The following GRIK3 variants were observed in gnomAD, a reference collection of about 807,000 sequenced individuals.
GRIK3 encodes the protein glutamate receptor ionotropic, kainate 3.
A neutral mutation model predicts 102.5 loss-of-function variants in GRIK3; 29 were observed. The observed-to-expected ratio is 0.28, with a 90% CI of 0.21 to 0.39. The LOEUF is 0.39. Ranked by LOEUF, GRIK3 falls within the 10% of genes least tolerant of loss-of-function variation. The pLI is 1.00. For synonymous variants in GRIK3, 511 were observed against 504.9 expected (o/e 1.01, Z -0.16); for missense variants, 908 against 1,252.4 (o/e 0.73, Z 4.15).
At chr1:36,830,961 T>C (rs770689143) in intron 10 of GRIK3, among the ~76,000 whole-genome samples, 8 of 151,764 alleles carry the variant, frequency 5.3e-5, no homozygotes, top group Non-Finnish European at 8.8e-5. Context: ...GAGAGAAGCA[T>C]GGAACAGGTT....
At chr1:36,987,882 G>A (rs1315267254) in intron 1 of GRIK3, among the ~76,000 whole-genome samples, 1 of 152,106 alleles carries the variant, frequency 6.6e-6, no homozygotes, top group Non-Finnish European at 1.5e-5. Context: ...CAATGATCAG[G>A]GACTACCCAA....
At chr1:36,839,353 C>T (rs1395332900) in intron 10 of GRIK3, among the ~76,000 whole-genome samples, 3 of 152,160 alleles carry the variant, frequency 2.0e-5, no homozygotes, top group African/African-American at 7.2e-5. Flanking sequence ...ACACCACTCC[C>T]TTCCGTTTAT....
chr1:36,948,127 C>A (rs1641804527), intron 1 of GRIK3, among the ~76,000 whole-genome samples: 2 of 152,122 alleles, frequency 1.3e-5, no homozygotes, highest in Non-Finnish European at 2.9e-5. Context: ...CTCCCCCATG[C>A]AACACCTGGT....
chr1:37,007,249 C>T (rs1475668864), intron 1 of GRIK3, among the ~76,000 whole-genome samples: 1 of 152,210 alleles, frequency 6.6e-6, no homozygotes, highest in Admixed American at 6.5e-5. Context: ...GCCCATTTTG[C>T]AGGTGAGGAA....
intron 1 of GRIK3, among the ~76,000 whole-genome samples, chr1:36,965,044 C>T (rs1037081982): frequency 2.0e-5 from 3 of 152,170 alleles, no homozygotes; most frequent in African/African-American, 7.2e-5. Context: ...ATCCAAGGGG[C>T]CCAGTGCCGT....
intron 1 of GRIK3, among the ~76,000 whole-genome samples, chr1:36,949,830 C>T (rs758040893): frequency 1.4e-4 from 21 of 152,102 alleles, no homozygotes; most frequent in East Asian, 1.2e-3. Flanking sequence ...CTGCCCACCT[C>T]GGCCTCCCAA....
chr1:36,944,787 C>CA (rs1641764440), intron 1 of GRIK3, among the ~76,000 whole-genome samples: 1 of 152,190 alleles, frequency 6.6e-6, no homozygotes, highest in African/African-American at 2.4e-5. Flanking sequence ...AATGGGAGAA[C>CA]AACCACCTTG....
intron 1 of GRIK3, among the ~76,000 whole-genome samples, chr1:36,964,576 T>C (rs919788123): frequency 2.6e-5 from 4 of 152,258 alleles, no homozygotes; most frequent in African/African-American, 7.2e-5. Context: ...TCATCTTTTA[T>C]AGTTTTCAGT....
chr1:36,902,428 A>G (rs2124284380), intron 1 of GRIK3, among the ~76,000 whole-genome samples: 2 of 152,354 alleles, frequency 1.3e-5, no homozygotes, highest in East Asian at 3.9e-4. Context: ...GCAGACCCAC[A>G]TAAATAAAGT....
chr1:36,904,974 C>T (rs1332156523), intron 1 of GRIK3, among the ~76,000 whole-genome samples: 1 of 152,058 alleles, frequency 6.6e-6, no homozygotes, highest in African/African-American at 2.4e-5. Flanking sequence ...CTTGCAGATG[C>T]TTATTATGGT....
chr1:36,866,260 A>G (rs1479006191), intron 5 of GRIK3, among the ~76,000 whole-genome samples: 1 of 152,206 alleles, frequency 6.6e-6, no homozygotes, highest in East Asian at 1.9e-4. Context: ...ATTGACCTCA[A>G]TTACCACACC....
intron 3 of GRIK3, among the ~76,000 whole-genome samples, chr1:36,875,181 A>AT (rs1264161408): frequency 5.9e-5 from 9 of 152,260 alleles, no homozygotes; most frequent in Non-Finnish European, 1.2e-4. Context: ...AGGTTAAGTG[A>AT]TTATGGAATC....
At chr1:36,983,929 C>T (rs1642276649) in intron 1 of GRIK3, among the ~76,000 whole-genome samples, 1 of 152,168 alleles carries the variant, frequency 6.6e-6, no homozygotes, top group Non-Finnish European at 1.5e-5. Context: ...CACTGCTGCC[C>T]ACCCATGGGG....
At chr1:36,903,574 T>G (rs1451335962) in intron 1 of GRIK3, among the ~76,000 whole-genome samples, 1 of 152,216 alleles carries the variant, frequency 6.6e-6, no homozygotes, top group Non-Finnish European at 1.5e-5. Context: ...CAAGATATCC[T>G]TCAGTAGATG....
chr1:36,859,480 T>C (rs1445772667), intron 6 of GRIK3, among the ~76,000 whole-genome samples: 1 of 151,904 alleles, frequency 6.6e-6, no homozygotes, highest in African/African-American at 2.4e-5. Flanking sequence ...GCTTAGACCT[T>C]CTCCTGCCCA....
intron 1 of GRIK3, among the ~76,000 whole-genome samples, chr1:36,930,919 T>C (rs1367935938): frequency 6.6e-6 from 1 of 152,178 alleles, no homozygotes; most frequent in Admixed American, 6.5e-5. Flanking sequence ...CTAGCTACGC[T>C]TTTAGGTAGG....
At chr1:36,983,832 C>A (rs1232136975) in intron 1 of GRIK3, among the ~76,000 whole-genome samples, 1 of 152,140 alleles carries the variant, frequency 6.6e-6, no homozygotes, top group African/African-American at 2.4e-5. Flanking sequence ...GATTTCCACT[C>A]ATTCTTTCTA....
At chr1:37,026,188 CA>C (rs1642763273) in intron 1 of GRIK3, among the ~76,000 whole-genome samples, 1 of 152,198 alleles carries the variant, frequency 6.6e-6, no homozygotes, top group Non-Finnish European at 1.5e-5. Context: ...ATGCAAAATG[CA>C]TTTTAATCAA....
rs80075965 is a variant in GRIK3, at chr1:36,859,463, C to G, written c.961-212G>C. 7.0e-4 allele frequency among the ~76,000 whole-genome samples: 106 copies of G among 152,302 alleles called. 3 individuals are homozygous for G. In the South Asian group the frequency reaches 0.015, roughly 21 times the overall value. On this transcript the variant is annotated intron_variant, in intron 6 of 15. Coordinates refer to ENST00000373091, the MANE Select transcript of GRIK3 (RefSeq NM_000831.4). ...CTCTACAAACATCCTGAGCACCCCC[C>G]TCTGCAGCTTAGACCTTCTCCTGCC...
Sources: allele counts gnomAD v4.1 joint callset (sites outside exome capture counted in the v4.1 genomes callset), GRCh38; gene constraint gnomAD v4.1.1; transcripts MANE v1.5; gene names NCBI Gene and HGNC (gene_info 2026-07-23, HGNC 2026-07-21).